The following AOAH variants were observed in gnomAD, a reference collection of about 807,000 sequenced individuals.
AOAH encodes acyloxyacyl hydrolase (neutrophil).
A neutral mutation model predicts 92.2 loss-of-function variants in AOAH; 64 were observed. That is an observed-to-expected ratio of 0.69 (90% CI 0.57 to 0.86). The LOEUF (loss-of-function observed/expected upper bound fraction) is 0.86, where lower values mean the gene tolerates loss of function less well. Ranked by LOEUF, AOAH falls within the 40% of genes least tolerant of loss-of-function variation. The probability of loss-of-function intolerance (pLI) is 0.00; values close to 1 mark genes in which losing one functional copy is unlikely to be tolerated. For synonymous variants in AOAH, 263 were observed against 254.5 expected (o/e 1.03, Z -0.32); for missense variants, 656 against 694.6 (o/e 0.94, Z 0.62).
chr7:36,634,855 G>A (rs904677373), intron 5 of AOAH, among the ~76,000 whole-genome samples: 2 of 152,172 alleles, frequency 1.3e-5, no homozygotes, highest in Non-Finnish European at 2.9e-5. Flanking sequence ...AGGTGCAATA[G>A]AATACTATTA....
intron 2 of AOAH, among the ~76,000 whole-genome samples, chr7:36,679,681 C>T (rs149305943): frequency 7.2e-4 from 107 of 149,562 alleles, no homozygotes; most frequent in African/African-American, 2.5e-3. Flanking sequence ...TTTTTTGAGA[C>T]GGAGTCTTGC....
intron 4 of AOAH, among the ~76,000 whole-genome samples, chr7:36,654,119 G>A (rs532892581): frequency 1.6e-4 from 23 of 145,814 alleles, no homozygotes; most frequent in Non-Finnish European, 2.4e-4. Context: ...ATCCCTGTGC[G>A]TGTGTGCGTA....
At chr7:36,602,949 C>G (rs539928701) in intron 11 of AOAH, among the ~76,000 whole-genome samples, 8 of 152,238 alleles carry the variant, frequency 5.3e-5, no homozygotes, top group African/African-American at 1.9e-4. Context: ...TGTCCCAAAA[C>G]CTTGCCATTC....
intron 1 of AOAH, among the ~76,000 whole-genome samples, chr7:36,701,576 A>C (rs967326943): frequency 2.6e-5 from 4 of 151,438 alleles, no homozygotes; most frequent in Non-Finnish European, 5.9e-5. Context: ...ATTATTCTAC[A>C]TCTTAAAGTG....
intron 2 of AOAH, among the ~76,000 whole-genome samples, chr7:36,685,035 T>C (rs1405995108): frequency 1.3e-5 from 2 of 150,628 alleles, no homozygotes; most frequent in African/African-American, 2.4e-5. Context: ...ATATCATTTA[T>C]AGGCTTGTCA....
intron 11 of AOAH, among the ~76,000 whole-genome samples, chr7:36,596,612 T>C (rs1432741260): frequency 6.6e-6 from 1 of 152,172 alleles, no homozygotes; most frequent in Non-Finnish European, 1.5e-5. Flanking sequence ...ATTTGAATGA[T>C]GCTTCTGCAA....
chr7:36,722,336 C>A (rs912628734), intron 1 of AOAH, among the ~76,000 whole-genome samples: 1 of 152,182 alleles, frequency 6.6e-6, no homozygotes, highest in South Asian at 2.1e-4. Flanking sequence ...GGAATGTGTA[C>A]CTCCTGTCCA....
chr7:36,585,217 G>T (rs1223900654), intron 12 of AOAH, among the ~76,000 whole-genome samples: 8 of 151,996 alleles, frequency 5.3e-5, no homozygotes, highest in Admixed American at 3.9e-4. Context: ...GCTGCAGCAT[G>T]GGCAGAGGGC....
chr7:36,565,711 T>A lies in AOAH; in HGVS notation c.1021+10863A>T, dbSNP rs75336782. ...CCACAACTGGCTGATTTTTTTTTTT[T>A]ATTTAAATTTTTAGTAGAGAGGGAT... On this transcript the variant is annotated intron_variant, in intron 13 of 20. Coordinates refer to ENST00000617537, the MANE Select transcript of AOAH (RefSeq NM_001637.4). Among the ~76,000 whole-genome samples, 4 of 152,006 alleles carry A rather than the reference T, an allele frequency of 2.6e-5. No homozygotes were observed. The East Asian group carries it at 5.8e-4, about 22-fold the overall frequency.
chr7:36,635,090 T>C (rs1392586517), intron 5 of AOAH, among the ~76,000 whole-genome samples: 1 of 152,180 alleles, frequency 6.6e-6, no homozygotes, highest in Non-Finnish European at 1.5e-5. Flanking sequence ...CCGAGCAACA[T>C]TGTATGAGTC....
chr7:36,536,673 G>A (rs1157083813), intron 16 of AOAH, among the ~76,000 whole-genome samples: 1 of 152,148 alleles, frequency 6.6e-6, no homozygotes, highest in Admixed American at 6.5e-5. Flanking sequence ...TCTCAGCTGG[G>A]AACGGTGGCT....
chr7:36,599,712 G>T (rs1016549461), intron 11 of AOAH: 2 of 152,168 alleles, frequency 1.3e-5, no homozygotes, highest in African/African-American at 4.8e-5. Flanking sequence ...AGAGTTTCAA[G>T]GCCCGGGAAT....
intron 13 of AOAH, among the ~76,000 whole-genome samples, chr7:36,557,980 C>T (rs1242616819): frequency 6.6e-6 from 1 of 152,230 alleles, no homozygotes; most frequent in East Asian, 1.9e-4. Context: ...CTTCTTCTCT[C>T]AACTCGTCAA....
chr7:36,640,442 G>T (rs1793825727), intron 4 of AOAH, among the ~76,000 whole-genome samples: 1 of 152,178 alleles, frequency 6.6e-6, no homozygotes, highest in South Asian at 2.1e-4. Context: ...GCTACATGGG[G>T]AGTGAGGGAA....
intron 1 of AOAH, among the ~76,000 whole-genome samples, chr7:36,698,446 C>T (rs2116870412): frequency 6.6e-6 from 1 of 152,084 alleles, no homozygotes; most frequent in South Asian, 2.1e-4. Flanking sequence ...CTGCTCTGAT[C>T]TTTATTATTT....
At chr7:36,669,476 G>A (rs1285277764) in intron 3 of AOAH, among the ~76,000 whole-genome samples, 1 of 150,394 alleles carries the variant, frequency 6.6e-6, no homozygotes, top group Non-Finnish European at 1.5e-5. Context: ...TCCACCTCCT[G>A]GGTTCAAGTG....
chr7:36,536,128 T>C (rs1246582763), intron 16 of AOAH, among the ~76,000 whole-genome samples: 1 of 152,120 alleles, frequency 6.6e-6, no homozygotes, highest in East Asian at 1.9e-4. Context: ...GTTCTGGGCC[T>C]CTGAGTGTCC....
chr7:36,716,299 C>T (rs573461483), intron 1 of AOAH, among the ~76,000 whole-genome samples: 16 of 151,204 alleles, frequency 1.1e-4, no homozygotes, highest in East Asian at 9.7e-4. Context: ...GTTAGAATGG[C>T]GATCATTAAA....
intron 16 of AOAH, among the ~76,000 whole-genome samples, chr7:36,538,737 C>A (rs77824788): frequency 0.012 from 1,847 of 152,290 alleles, 28 homozygotes; most frequent in Middle Eastern, 0.044. Context: ...CAAAGCAGCC[C>A]AGAATGGAGT....
Sources: gnomAD v4.1 joint callset for allele counts (sites outside exome capture counted in the v4.1 genomes callset) on GRCh38, gnomAD v4.1.1 for gene constraint, MANE v1.5 for transcripts, NCBI Gene and HGNC (gene_info 2026-07-23, HGNC 2026-07-21) for gene names.